The following FCHSD2 variants were observed in gnomAD, a reference collection of about 807,000 sequenced individuals.
FCHSD2 encodes FCH and double SH3 domains 2, also known as F-BAR and double SH3 domains protein 2.
A neutral mutation model predicts 108.1 loss-of-function variants in FCHSD2; 38 were observed. The ratio of observed to expected loss-of-function variants is 0.35; its 90% CI spans 0.27 to 0.46. The LOEUF is 0.46. FCHSD2 is among the 20% of genes least tolerant of loss of function. The pLI is 1.00. For synonymous variants in FCHSD2, 279 were observed against 314.7 expected (o/e 0.89, Z 1.20); for missense variants, 751 against 897.8 (o/e 0.84, Z 2.09).
At chr11:72,980,677 A>ATATATATATATATATATAATGTATGTGTG (rs1412900717) in intron 8 of FCHSD2, among the ~76,000 whole-genome samples, 2 of 29,866 alleles carry the variant, frequency 6.7e-5, no homozygotes, top group South Asian at 2.7e-3. Flanking sequence ...GTGTGTGTGT[A>ATATATATATATATATATAATGTATGTGTG]TATATATATA....
intron 1 of FCHSD2, chr11:73,141,492 C>A: frequency 3.2e-6 from 1 of 312,728 alleles, no homozygotes; most frequent in Non-Finnish European, 6.0e-6. Context: ...AACAATCACA[C>A]ACGCACAAGG....
chr11:72,944,231 A>C (rs1315938013), intron 8 of FCHSD2, among the ~76,000 whole-genome samples: 2 of 152,232 alleles, frequency 1.3e-5, no homozygotes, highest in Non-Finnish European at 2.9e-5. Flanking sequence ...CCTGGGATGC[A>C]AGGCTGGTTC....
intron 8 of FCHSD2, among the ~76,000 whole-genome samples, chr11:72,967,236 A>G (rs993643562): frequency 4.6e-5 from 7 of 151,450 alleles, no homozygotes; most frequent in African/African-American, 1.7e-4. Flanking sequence ...GTAAATGAGG[A>G]TAGTGAAGAG....
chr11:73,006,308 A>T (rs1228753429), intron 4 of FCHSD2, among the ~76,000 whole-genome samples: 1 of 152,064 alleles, frequency 6.6e-6, no homozygotes, highest in Non-Finnish European at 1.5e-5. Flanking sequence ...TTTACACCTA[A>T]CATGTACAAA....
At chr11:73,034,801 A>G (rs1858447782) in intron 3 of FCHSD2, among the ~76,000 whole-genome samples, 1 of 152,222 alleles carries the variant, frequency 6.6e-6, no homozygotes, top group Admixed American at 6.5e-5. Context: ...TTTGACCAGA[A>G]CTTCGAAGCA....
At chr11:73,124,323 T>C (rs1246998235) in intron 2 of FCHSD2, among the ~76,000 whole-genome samples, 3 of 152,068 alleles carry the variant, frequency 2.0e-5, no homozygotes, top group African/African-American at 2.4e-5. Flanking sequence ...GACGAGTTAA[T>C]GGGTGCAGCA....
At chr11:73,004,186 G>A (rs1045825910) in intron 4 of FCHSD2, among the ~76,000 whole-genome samples, 1 of 146,512 alleles carries the variant, frequency 6.8e-6, no homozygotes, top group Admixed American at 6.8e-5. Flanking sequence ...CACATGGTAA[G>A]TACTACGTTA....
chr11:72,927,426 G>T (rs1036907348), intron 8 of FCHSD2, among the ~76,000 whole-genome samples: 1 of 152,154 alleles, frequency 6.6e-6, no homozygotes, highest in Non-Finnish European at 1.5e-5. Context: ...TTCATCAATT[G>T]CAACAAATGT....
chr11:72,885,511 G>A (rs527427328), intron 12 of FCHSD2, among the ~76,000 whole-genome samples: 33 of 152,232 alleles, frequency 2.2e-4, no homozygotes, highest in African/African-American at 7.9e-4. Context: ...TGAAGACTCT[G>A]TGTGCCTGAT....
chr11:73,139,509 G>T (rs1197452945), intron 2 of FCHSD2, among the ~76,000 whole-genome samples: 1 of 152,188 alleles, frequency 6.6e-6, no homozygotes, highest in East Asian at 1.9e-4. Flanking sequence ...AAGTTAACTT[G>T]ATTATGAATA....
chr11:73,019,466 T>C (rs2135437515), intron 3 of FCHSD2, among the ~76,000 whole-genome samples: 1 of 152,348 alleles, frequency 6.6e-6, no homozygotes, highest in East Asian at 1.9e-4. Flanking sequence ...TTTTAAATTA[T>C]GAAATTAATT....
intron 13 of FCHSD2, among the ~76,000 whole-genome samples, chr11:72,866,931 C>G (rs1465365875): frequency 6.6e-6 from 1 of 152,218 alleles, no homozygotes; most frequent in Non-Finnish European, 1.5e-5. Flanking sequence ...TAGTTTGCCA[C>G]TATTCCAACT....
At chr11:73,068,748 C>A (rs1177380389) in intron 3 of FCHSD2, among the ~76,000 whole-genome samples, 1 of 141,344 alleles carries the variant, frequency 7.1e-6, no homozygotes, top group Non-Finnish European at 1.5e-5. Context: ...GGCAAGAGGA[C>A]TGCTTGAGCC....
At chr11:73,091,731 C>A (rs1173914462) in intron 2 of FCHSD2, among the ~76,000 whole-genome samples, 1 of 152,020 alleles carries the variant, frequency 6.6e-6, no homozygotes, top group Non-Finnish European at 1.5e-5. Context: ...TGGCCTAACT[C>A]TTCCTCATTC....
intron 8 of FCHSD2, among the ~76,000 whole-genome samples, chr11:72,973,642 C>T (rs1857048794): frequency 6.6e-6 from 1 of 152,150 alleles, no homozygotes; most frequent in Non-Finnish European, 1.5e-5. Context: ...GGGAGATTTC[C>T]ACTGTACTGA....
At chr11:73,051,364 T>C (rs1208196322) in intron 3 of FCHSD2, among the ~76,000 whole-genome samples, 2 of 152,172 alleles carry the variant, frequency 1.3e-5, no homozygotes, top group Non-Finnish European at 1.5e-5. Context: ...GTAAGCATAT[T>C]TTCATAATCT....
intron 4 of FCHSD2, among the ~76,000 whole-genome samples, chr11:73,009,215 G>A (rs923092777): frequency 1.3e-5 from 2 of 152,174 alleles, no homozygotes; most frequent in Non-Finnish European, 2.9e-5. Context: ...CATACTACAG[G>A]CTGGGTGTGG....
intron 8 of FCHSD2, among the ~76,000 whole-genome samples, chr11:72,954,096 G>A (rs1304265201): frequency 6.6e-6 from 1 of 152,012 alleles, no homozygotes; most frequent in Non-Finnish European, 1.5e-5. Flanking sequence ...CATAAAGGTA[G>A]GGGTGGGAGT....
chr11:72,852,495 G>T lies in FCHSD2; in HGVS notation c.1309-2606C>A, dbSNP rs1861317730. On this transcript the variant is annotated intron_variant, in intron 13 of 19. Transcript: ENST00000409418. Reference sequence around the variant, plus strand: ...GGTGGTGCCAAAATGGCGAAACCTTGTCTCTACTAAAAATACAAAAATTAG... The same window carrying T: ...GGTGGTGCCAAAATGGCGAAACCTTTTCTCTACTAAAAATACAAAAATTAG... Among the ~76,000 whole-genome samples, 3 of 152,032 alleles carry T rather than the reference G, an allele frequency of 2.0e-5. No individual in the cohort carries two copies. In the South Asian group the frequency reaches 6.2e-4, roughly 32 times the overall value.
Sources: allele counts gnomAD v4.1 joint callset (sites outside exome capture counted in the v4.1 genomes callset), GRCh38; gene constraint gnomAD v4.1.1; transcripts MANE v1.5; gene names NCBI Gene and HGNC (gene_info 2026-07-23, HGNC 2026-07-21).